TMC1: variants seen among roughly 807,000 people sequenced by gnomAD.
TMC1 encodes the protein transmembrane channel-like protein 1.
A neutral mutation model predicts 105.8 loss-of-function variants in TMC1; 84 were observed. The ratio of observed to expected loss-of-function variants is 0.79; its 90% CI spans 0.67 to 0.95. The LOEUF is 0.95. TMC1 is among the 40% of genes least tolerant of loss of function. The pLI is 0.00. For missense variants in TMC1, 817 were observed against 914.1 expected (o/e 0.89, Z 1.37); for synonymous variants, 315 against 311.5 (o/e 1.01, Z -0.12).
intron 5 of TMC1, among the ~76,000 whole-genome samples, chr9:72,664,425 A>G (rs1262313887): frequency 3.9e-5 from 6 of 152,192 alleles, no homozygotes; most frequent in Admixed American, 1.3e-4. Context: ...CTGCAGTCCT[A>G]AATGGGAATA....
At chr9:72,814,761 G>A (rs1033021272) in intron 18 of TMC1, among the ~76,000 whole-genome samples, 1 of 152,180 alleles carries the variant, frequency 6.6e-6, no homozygotes, top group Non-Finnish European at 1.5e-5. Flanking sequence ...GGATTCATGA[G>A]ACTCTTGAGG....
chr9:72,627,797 A>G (rs2132132927), intron 3 of TMC1, 124 bp from the exon 4 acceptor site: 1 of 324,168 alleles, frequency 3.1e-6, no homozygotes, highest in Non-Finnish European at 6.1e-6. Flanking sequence ...TCCTGTAGTT[A>G]CCTTGTAAAT....
chr9:72,700,870 C>T (rs1288019170), intron 8 of TMC1: 1 of 189,892 alleles, frequency 5.3e-6, no homozygotes, highest in Non-Finnish European at 1.1e-5. Context: ...ACATGTATAT[C>T]ATATTTCTGC....
At chr9:72,752,715 C>G (rs1246939588) in intron 11 of TMC1, among the ~76,000 whole-genome samples, 1 of 152,072 alleles carries the variant, frequency 6.6e-6, no homozygotes, top group Non-Finnish European at 1.5e-5. Context: ...TACAAAGGAC[C>G]TTTTAGGACC....
chr9:72,566,232 A>G (rs770894659), intron 1 of TMC1, among the ~76,000 whole-genome samples: 1 of 152,110 alleles, frequency 6.6e-6, no homozygotes, highest in African/African-American at 2.4e-5. Flanking sequence ...GAGTACTGCT[A>G]TGTTACTCAG....
rs117654946 is a variant in TMC1 at position 72,628,990 on chromosome 9, G to C, written c.-53+927G>C. ...AAATGTGTTAATATTTATCATAATG[G>C]AAATAGTCTTACTAATTAGCAATAA... is the stretch of plus-strand genomic sequence containing the variant. On this transcript the variant is annotated intron_variant, in intron 4 of 23. Transcript: ENST00000297784. 1.5e-3 allele frequency among the ~76,000 whole-genome samples: 231 copies of C among 152,182 alleles called. 2 individuals carry two copies. The East Asian group carries it at 0.028, about 19-fold the overall frequency.
At chr9:72,570,148 G>A (rs182667409) in intron 1 of TMC1, among the ~76,000 whole-genome samples, 10 of 151,834 alleles carry the variant, frequency 6.6e-5, no homozygotes, top group Admixed American at 4.6e-4. Flanking sequence ...GGCTTAGTTA[G>A]TTATTGGCTT....
intron 2 of TMC1, among the ~76,000 whole-genome samples, chr9:72,594,328 G>A (rs1306186133): frequency 6.6e-6 from 1 of 152,184 alleles, no homozygotes; most frequent in African/African-American, 2.4e-5. Flanking sequence ...CTAGGGAGGT[G>A]TAAAGATAGA....
chr9:72,557,369 A>G (rs535820027), intron 1 of TMC1, among the ~76,000 whole-genome samples: 1 of 151,186 alleles, frequency 6.6e-6, no homozygotes, highest in East Asian at 1.9e-4. Context: ...AGACTCTCAA[A>G]AAAACAAACA....
rs528608637 is a variant in TMC1, at chr9:72,571,737, G to A, written c.-427-6165G>A. ...TATTATTCTATTATTTCTATTGAAT[G>A]TTTATATTCATAGTATCACACTGTA... is the stretch of plus-strand genomic sequence containing the variant. On this transcript the variant is annotated intron_variant, in intron 1 of 23. Transcript: ENST00000297784. Among the ~76,000 whole-genome samples the A allele has an allele frequency of 3.3e-5, 5 of 152,012 alleles. No individual in the cohort carries two copies. In the East Asian group the frequency reaches 9.6e-4, roughly 29 times the overall value.
chr9:72,803,650 A>T (rs543437645), intron 17 of TMC1, among the ~76,000 whole-genome samples: 17 of 152,360 alleles, frequency 1.1e-4, no homozygotes, highest in Non-Finnish European at 2.4e-4. Context: ...ATCACTGATG[A>T]TTAGAGAAAT....
At chr9:72,717,597 G>C (rs1443306237) in intron 8 of TMC1, among the ~76,000 whole-genome samples, 1 of 152,104 alleles carries the variant, frequency 6.6e-6, no homozygotes, top group East Asian at 1.9e-4. Flanking sequence ...TAATTGTTTT[G>C]TTTAAGGAGG....
At chr9:72,619,376 TA>T (rs1825200445) in intron 3 of TMC1, among the ~76,000 whole-genome samples, 1 of 152,198 alleles carries the variant, frequency 6.6e-6, no homozygotes, top group East Asian at 1.9e-4. Flanking sequence ...AAGAGAAGTT[TA>T]TGATTTAGGA....
intron 20 of TMC1, among the ~76,000 whole-genome samples, chr9:72,822,829 G>A (rs1050728148): frequency 2.0e-5 from 3 of 151,930 alleles, no homozygotes; most frequent in Non-Finnish European, 4.4e-5. Context: ...TGCCTGTAAG[G>A]GAAACCACAC....
intron 2 of TMC1, among the ~76,000 whole-genome samples, chr9:72,589,854 A>T (rs1824607530): frequency 6.6e-6 from 1 of 152,236 alleles, no homozygotes. Flanking sequence ...TCAGAGACAA[A>T]GTGACCTCAG....
intron 2 of TMC1, among the ~76,000 whole-genome samples, chr9:72,583,664 T>C (rs1336567404): frequency 6.6e-6 from 1 of 152,256 alleles, no homozygotes; most frequent in East Asian, 1.9e-4. Context: ...AAACATATTT[T>C]CCTTTGTGCT....
At chr9:72,554,208 T>C (rs1250099581) in intron 1 of TMC1, among the ~76,000 whole-genome samples, 4 of 152,176 alleles carry the variant, frequency 2.6e-5, no homozygotes, top group Non-Finnish European at 5.9e-5. Flanking sequence ...TTAGCTGTGA[T>C]CGTTTATTGC....
chr9:72,575,712 T>A (rs868248332), intron 1 of TMC1, among the ~76,000 whole-genome samples: 5 of 152,112 alleles, frequency 3.3e-5, no homozygotes, highest in Admixed American at 1.3e-4. Flanking sequence ...GGACATGGGG[T>A]CACAGCAGCT....
chr9:72,643,135 CT>C (rs891269717), intron 4 of TMC1, among the ~76,000 whole-genome samples: 2 of 151,800 alleles, frequency 1.3e-5, no homozygotes, highest in African/African-American at 2.4e-5. Context: ...TCCTTCCTTT[CT>C]TTTTTTCTTC....
Sources: gnomAD v4.1 joint callset for allele counts (sites outside exome capture counted in the v4.1 genomes callset) on GRCh38, gnomAD v4.1.1 for gene constraint, MANE v1.5 for transcripts, NCBI Gene and HGNC (gene_info 2026-07-23, HGNC 2026-07-21) for gene names.